The following FHIT variants were observed in gnomAD, a reference collection of about 807,000 sequenced individuals.
FHIT encodes fragile histidine triad diadenosine triphosphatase.
Under a neutral mutation model 17.9 loss-of-function variants are expected in FHIT, and 19 were observed. That is an observed-to-expected ratio of 1.06 (90% confidence interval 0.74 to 1.56). FHIT has a LOEUF of 1.56. FHIT is among the 40% of genes most tolerant of loss of function. FHIT has a pLI of 0.00. For synonymous variants in FHIT, 81 were observed against 69.7 expected (o/e 1.16, Z -0.81); for missense variants, 248 against 189.2 (o/e 1.31, Z -1.82).
intron 2 of FHIT, among the ~76,000 whole-genome samples, chr3:61,067,938 A>G (rs1324849600): frequency 1.3e-5 from 2 of 152,164 alleles, no homozygotes; most frequent in South Asian, 2.1e-4. Context: ...CCTACTCAAT[A>G]TTTGGGAATT....
At chr3:60,990,549 G>C (rs555199818) in intron 3 of FHIT, among the ~76,000 whole-genome samples, 2 of 152,144 alleles carry the variant, frequency 1.3e-5, no homozygotes, top group African/African-American at 4.8e-5. Context: ...CTATGCTCCA[G>C]GGCTGGACAG....
At chr3:60,703,848 TA>T (rs1212662499) in intron 4 of FHIT, among the ~76,000 whole-genome samples, 1 of 152,218 alleles carries the variant, frequency 6.6e-6, no homozygotes, top group Non-Finnish European at 1.5e-5. Flanking sequence ...GGTACATGTT[TA>T]ATAATTTTCC....
At chr3:60,106,994 A>G (rs1164230389) in intron 5 of FHIT, among the ~76,000 whole-genome samples, 1 of 152,178 alleles carries the variant, frequency 6.6e-6, no homozygotes, top group South Asian at 2.1e-4. Context: ...ATAATTAAGA[A>G]AAGATCAGTG....
intron 5 of FHIT, among the ~76,000 whole-genome samples, chr3:60,330,410 C>T (rs1229920069): frequency 6.6e-6 from 1 of 152,152 alleles, no homozygotes; most frequent in Non-Finnish European, 1.5e-5. Flanking sequence ...CAGAGTCTTA[C>T]TGCCACCGGT....
At chr3:60,204,097 C>T (rs1703044290) in intron 5 of FHIT, among the ~76,000 whole-genome samples, 2 of 152,040 alleles carry the variant, frequency 1.3e-5, no homozygotes, top group South Asian at 4.1e-4. Context: ...TTGCTTCTAA[C>T]ACAAAGGAAA....
chr3:59,906,697 G>T (rs1310089933), intron 8 of FHIT, among the ~76,000 whole-genome samples: 1 of 152,170 alleles, frequency 6.6e-6, no homozygotes, highest in Non-Finnish European at 1.5e-5. Context: ...AATTTCCAAA[G>T]ATATTAGGAT....
At chr3:60,559,281 C>T (rs746519863) in intron 4 of FHIT, among the ~76,000 whole-genome samples, 8 of 152,120 alleles carry the variant, frequency 5.3e-5, no homozygotes, top group African/African-American at 9.7e-5. Context: ...GCATGCATTT[C>T]TATAAAATTC....
At chr3:60,853,446 C>T (rs1703236095) in intron 3 of FHIT, among the ~76,000 whole-genome samples, 1 of 152,056 alleles carries the variant, frequency 6.6e-6, no homozygotes, top group Non-Finnish European at 1.5e-5. Context: ...AATTTCCCTG[C>T]TCCTCTTTTA....
chr3:60,337,331 T>A (rs1302034271), intron 5 of FHIT, among the ~76,000 whole-genome samples: 1 of 152,150 alleles, frequency 6.6e-6, no homozygotes, highest in Non-Finnish European at 1.5e-5. Context: ...GCTTCTGGAA[T>A]CTGAAAAACT....
At chr3:60,151,730 A>G (rs1162222775) in intron 5 of FHIT, among the ~76,000 whole-genome samples, 1 of 152,006 alleles carries the variant, frequency 6.6e-6, no homozygotes, top group Non-Finnish European at 1.5e-5. Flanking sequence ...TCTGCCTGCA[A>G]TTGTTTTCCT....
intron 5 of FHIT, among the ~76,000 whole-genome samples, chr3:60,376,046 A>G (rs1050715268): frequency 6.6e-6 from 1 of 152,186 alleles, no homozygotes; most frequent in Non-Finnish European, 1.5e-5. Flanking sequence ...GCAGAAGAAG[A>G]CAGCTCCTGT....
chr3:60,935,220 T>A (rs1553772786), intron 3 of FHIT, among the ~76,000 whole-genome samples: 1 of 152,232 alleles, frequency 6.6e-6, no homozygotes, highest in Non-Finnish European at 1.5e-5. Flanking sequence ...TATGTAGGTT[T>A]AAATCCATGT....
At chr3:60,606,503 A>C (rs2038612882) in intron 4 of FHIT, among the ~76,000 whole-genome samples, 2 of 152,050 alleles carry the variant, frequency 1.3e-5, no homozygotes, top group Admixed American at 1.3e-4. Context: ...AGCCTCCCAA[A>C]GTGCTGGGAT....
chr3:59,872,156 T>C (rs1306066929), intron 8 of FHIT, among the ~76,000 whole-genome samples: 1 of 152,114 alleles, frequency 6.6e-6, no homozygotes, highest in Non-Finnish European at 1.5e-5. Context: ...CTCAAGTCAC[T>C]GGAGTCCTCA....
chr3:60,243,967 C>T (rs1418868082), intron 5 of FHIT, among the ~76,000 whole-genome samples: 1 of 151,968 alleles, frequency 6.6e-6, no homozygotes, highest in Non-Finnish European at 1.5e-5. Flanking sequence ...CATGTACACT[C>T]GGTTAAATGG....
At chr3:60,441,697 GGTAT>G (rs1393642435) in intron 5 of FHIT, among the ~76,000 whole-genome samples, 1 of 15,104 alleles carries the variant, frequency 6.6e-5, no homozygotes, top group African/African-American at 2.3e-4. Flanking sequence ...TGCATCTGTA[GGTAT>G]TTATATATAT....
At chr3:61,186,688 T>A (rs1189798694) in intron 2 of FHIT, among the ~76,000 whole-genome samples, 1 of 152,216 alleles carries the variant, frequency 6.6e-6, no homozygotes, top group Non-Finnish European at 1.5e-5. Flanking sequence ...GCTCACCATC[T>A]AACCTTTTGT....
chr3:60,463,782 G>C (rs1357652988), intron 5 of FHIT, among the ~76,000 whole-genome samples: 1 of 152,192 alleles, frequency 6.6e-6, no homozygotes, highest in African/African-American at 2.4e-5. Context: ...CTGGGCATCA[G>C]TGTTAACTTA....
chr3:61,029,210 A>G (rs1168171794), intron 3 of FHIT, among the ~76,000 whole-genome samples: 1 of 152,204 alleles, frequency 6.6e-6, no homozygotes, highest in Non-Finnish European at 1.5e-5. Flanking sequence ...TCAGTACCTT[A>G]ATTGTTGTTA....
Sources: gnomAD v4.1 joint callset for allele counts (sites outside exome capture counted in the v4.1 genomes callset) on GRCh38, gnomAD v4.1.1 for gene constraint, MANE v1.5 for transcripts, NCBI Gene and HGNC (gene_info 2026-07-23, HGNC 2026-07-21) for gene names.